TMEM132D: variants seen among roughly 807,000 people sequenced by gnomAD.
The protein encoded by TMEM132D is mature OL transmembrane protein.
Under a neutral mutation model 62.3 loss-of-function variants are expected in TMEM132D, and 21 were observed. That is an observed-to-expected ratio of 0.34 (90% CI 0.24 to 0.49). TMEM132D has a LOEUF of 0.49. TMEM132D is among the 20% of genes least tolerant of loss of function. TMEM132D has a pLI of 0.99. For synonymous variants in TMEM132D, 621 were observed against 575.6 expected (o/e 1.08, Z -1.13); for missense variants, 1,346 against 1,402.8 (o/e 0.96, Z 0.65).
chr12:129,359,206 A>C (rs749443010), intron 3 of TMEM132D, among the ~76,000 whole-genome samples: 1 of 152,188 alleles, frequency 6.6e-6, no homozygotes, highest in Non-Finnish European at 1.5e-5. Flanking sequence ...CACTAATATG[A>C]AACATCAACA....
intron 2 of TMEM132D, among the ~76,000 whole-genome samples, chr12:129,664,137 G>C (rs1013939823): frequency 3.9e-5 from 6 of 152,162 alleles, no homozygotes; most frequent in Non-Finnish European, 5.9e-5. Context: ...TGGAGGTAAG[G>C]AGACTGTAAT....
chr12:129,483,695 C>A (rs1012950478), intron 3 of TMEM132D, among the ~76,000 whole-genome samples: 1 of 152,170 alleles, frequency 6.6e-6, no homozygotes, highest in Non-Finnish European at 1.5e-5. Context: ...GTGGCTTCTG[C>A]CAAAATACCC....
At chr12:129,420,098 G>C (rs1872255810) in intron 3 of TMEM132D, among the ~76,000 whole-genome samples, 1 of 152,094 alleles carries the variant, frequency 6.6e-6, no homozygotes. Flanking sequence ...GGGCTGTGTT[G>C]AGGAGGACCT....
intron 3 of TMEM132D, among the ~76,000 whole-genome samples, chr12:129,408,474 GC>G: frequency 6.7e-6 from 1 of 150,098 alleles, no homozygotes; most frequent in Non-Finnish European, 1.5e-5. Flanking sequence ...AATAGGAAAT[GC>G]CAATACTGAT....
intron 2 of TMEM132D, among the ~76,000 whole-genome samples, chr12:129,669,363 G>C (rs4759992): frequency 2.0e-5 from 3 of 151,934 alleles, no homozygotes; most frequent in African/African-American, 7.3e-5. Context: ...TAAATTCTTT[G>C]TGGGTTAGAA....
intron 5 of TMEM132D, among the ~76,000 whole-genome samples, chr12:129,133,364 T>A (rs982209227): frequency 1.3e-5 from 2 of 152,246 alleles, no homozygotes; most frequent in Non-Finnish European, 2.9e-5. Context: ...AGTAGATGAA[T>A]GGACCAGCAA....
rs142232608 is a variant in TMEM132D, at chr12:129,656,269, A to C, written c.968+43541T>G. ...AAGAAAAGAATGAAGGAAGGAGAAA[A>C]GGAAAGAATGAAAGGGAAGAGAAGG... On this transcript the variant is annotated intron_variant, in intron 2 of 8. Transcript: ENST00000422113. 2.8e-3 allele frequency among the ~76,000 whole-genome samples: 364 copies of C among 128,862 alleles called. 3 individuals are homozygous for C. Among genetic ancestry groups the C allele is most frequent in the African/African-American group, 9.2e-3 (345 of 37,554 alleles). The allele number at this position is 128,862 out of a possible 152,430, so 84.5% of individuals were successfully genotyped here. A position where few individuals can be genotyped will look rare whatever the true frequency, so the allele number is the denominator to read the frequency against.
intron 5 of TMEM132D, among the ~76,000 whole-genome samples, chr12:129,157,738 G>C (rs1877289012): frequency 6.6e-6 from 1 of 152,142 alleles, no homozygotes; most frequent in Non-Finnish European, 1.5e-5. Context: ...CTTTAAAATA[G>C]TAATGATTAT....
At chr12:129,591,733 G>T (rs1224950267) in intron 2 of TMEM132D, among the ~76,000 whole-genome samples, 1 of 151,546 alleles carries the variant, frequency 6.6e-6, no homozygotes, top group African/African-American at 2.4e-5. Flanking sequence ...CTAATGAGGG[G>T]GATTATTTGC....
chr12:129,202,749 T>A (rs1262176103), intron 5 of TMEM132D, among the ~76,000 whole-genome samples: 1 of 152,118 alleles, frequency 6.6e-6, no homozygotes, highest in Non-Finnish European at 1.5e-5. Flanking sequence ...TTTCCCTTCC[T>A]CATGCCATTC....
chr12:129,676,950 C>T (rs1880646735), intron 2 of TMEM132D, among the ~76,000 whole-genome samples: 1 of 152,162 alleles, frequency 6.6e-6, no homozygotes, highest in Admixed American at 6.5e-5. Flanking sequence ...TTTTGCACTT[C>T]ACTTTTTTCC....
chr12:129,820,918 G>A (rs1872526526), intron 1 of TMEM132D, among the ~76,000 whole-genome samples: 1 of 152,142 alleles, frequency 6.6e-6, no homozygotes, highest in African/African-American at 2.4e-5. Context: ...AAATTCCAAA[G>A]GGATGCAAGA....
chr12:129,194,952 T>C (rs1593292304), intron 5 of TMEM132D, among the ~76,000 whole-genome samples: 1 of 152,290 alleles, frequency 6.6e-6, no homozygotes, highest in East Asian at 1.9e-4. Flanking sequence ...TCAACAAATA[T>C]TGATAGCCCA....
chr12:129,180,348 T>C (rs924920936), intron 5 of TMEM132D, among the ~76,000 whole-genome samples: 62 of 152,280 alleles, frequency 4.1e-4, no homozygotes, highest in African/African-American at 1.4e-3. Flanking sequence ...CAGCTTTCCA[T>C]ATGCAGTCTA....
intron 4 of TMEM132D, among the ~76,000 whole-genome samples, chr12:129,303,915 A>G (rs1881780984): frequency 6.6e-6 from 1 of 152,234 alleles, no homozygotes; most frequent in Admixed American, 6.5e-5. Flanking sequence ...GAGACGATGG[A>G]AGTCCCAGCT....
chr12:129,753,455 TA>T (rs1455518233), intron 1 of TMEM132D, among the ~76,000 whole-genome samples: 3 of 152,210 alleles, frequency 2.0e-5, no homozygotes, highest in Non-Finnish European at 4.4e-5. Context: ...CGAGTCTTCC[TA>T]ACGTTCTCCA....
At chr12:129,663,902 A>C (rs1262428231) in intron 2 of TMEM132D, among the ~76,000 whole-genome samples, 2 of 152,102 alleles carry the variant, frequency 1.3e-5, no homozygotes, top group Admixed American at 6.5e-5. Flanking sequence ...CAAAGAAAGA[A>C]GTTGCATGGA....
chr12:129,379,973 ATATATT>A (rs1870891875), intron 3 of TMEM132D, among the ~76,000 whole-genome samples: 2 of 152,214 alleles, frequency 1.3e-5, no homozygotes, highest in Non-Finnish European at 2.9e-5. Flanking sequence ...TTTTACTTTC[ATATATT>A]TATAAGAGTG....
rs371402986 is a variant in TMEM132D at position 129,503,076 on chromosome 12, G to T, written c.1115+27983C>A. 3.2e-4 allele frequency among the ~76,000 whole-genome samples: 48 copies of T among 152,314 alleles called. 1 individual carries two copies. The highest frequency in any genetic ancestry group is 1.1e-3 in the African/African-American group (44 of 41,558). On this transcript the variant is annotated intron_variant, in intron 3 of 8. Transcript: ENST00000422113. ...CGAGTGAATGAAAAGGGGAATGAGT[G>T]CTGGTCATTTAAAAGTCATAGATGC...
Sources: allele counts gnomAD v4.1 joint callset (sites outside exome capture counted in the v4.1 genomes callset), GRCh38; gene constraint gnomAD v4.1.1; transcripts MANE v1.5; gene names NCBI Gene and HGNC (gene_info 2026-07-23, HGNC 2026-07-21).